MAF: variants seen among roughly 807,000 people sequenced by gnomAD.
The protein encoded by MAF is MAF bZIP transcription factor, also known as transcription factor Maf.
Under a neutral mutation model 22.0 loss-of-function variants are expected in MAF, and 10 were observed. That is an observed-to-expected ratio of 0.45 (90% CI 0.28 to 0.77). MAF has a LOEUF of 0.77. Ranked by LOEUF, MAF falls within the 30% of genes least tolerant of loss-of-function variation. MAF has a pLI of 0.12. For missense variants in MAF, 544 were observed against 548.4 expected, an observed-to-expected ratio of 0.99 and a Z score of 0.08; for synonymous variants, 337 against 255.8, an observed-to-expected ratio of 1.32 and a Z score of -3.03.
In MAF at chr16:79,598,049, TA is replaced by T. The variant is rs34724349; in HGVS notation, c.1118+735del. 8.2e-4 allele frequency: 717 copies of T among 875,362 alleles called. 1 individual carries two copies. Among genetic ancestry groups the T allele is most frequent in the African/African-American group, 4.0e-3 (219 of 54,530 alleles). 54.2% of individuals were successfully genotyped at this position (875,362 alleles called of 1,614,324 possible). A position where few individuals can be genotyped will look rare whatever the true frequency, so the allele number is the denominator to read the frequency against. ...TTTCTCTATTTTAGCATAACAATGC[TA>T]AAAAAAAAACCCGATGGAACTCGGC... On this transcript the variant is annotated intron_variant, in intron 1 of 1. Coordinates refer to ENST00000326043, the MANE Select transcript of MAF (RefSeq NM_005360.5).
the MAF span, among the ~76,000 whole-genome samples, chr16:79,308,731 C>T: frequency 2.0e-5 from 3 of 152,184 alleles, no homozygotes; most frequent in African/African-American, 7.2e-5. Context: ...AGAGTGACAA[C>T]TGGCATCAAC....
the MAF span, among the ~76,000 whole-genome samples, chr16:79,431,290 CT>C: frequency 6.6e-6 from 1 of 152,160 alleles, no homozygotes; most frequent in African/African-American, 2.4e-5. Context: ...ACTTAGGCTG[CT>C]GAGGACAGAA....
the MAF span, among the ~76,000 whole-genome samples, chr16:79,559,283 T>C: frequency 1.3e-5 from 2 of 152,196 alleles, no homozygotes; most frequent in Non-Finnish European, 2.9e-5. Flanking sequence ...GACAGCAGTT[T>C]GGTTTACCAC....
chr16:79,349,167 C>T, the MAF span, among the ~76,000 whole-genome samples: 6 of 152,186 alleles, frequency 3.9e-5, no homozygotes, highest in African/African-American at 9.6e-5. Flanking sequence ...GGCTCAGAGA[C>T]GTCCTCTGCC....
At chr16:79,376,316 T>C in the MAF span, among the ~76,000 whole-genome samples, 1 of 152,144 alleles carries the variant, frequency 6.6e-6, no homozygotes, top group African/African-American at 2.4e-5. Flanking sequence ...TGAAACTTCT[T>C]TGCTTTTCTT....
chr16:79,526,591 G>C, the MAF span, among the ~76,000 whole-genome samples: 1 of 152,210 alleles, frequency 6.6e-6, no homozygotes, highest in Non-Finnish European at 1.5e-5. Context: ...TCAGGAGATA[G>C]GTCTTACAGG....
At chr16:79,595,002 C>A in intron 1 of MAF, 1 of 1,070,114 alleles carries the variant, frequency 9.3e-7, no homozygotes, top group South Asian at 4.2e-5. Flanking sequence ...ATAACTACAT[C>A]CAGAATATCA....
At chr16:79,570,128 A>C in the MAF span, among the ~76,000 whole-genome samples, 71 of 152,040 alleles carry the variant, frequency 4.7e-4, no homozygotes, top group Non-Finnish European at 9.7e-4. Flanking sequence ...AAGCCATTAA[A>C]TTGACAGGTT....
the MAF span, among the ~76,000 whole-genome samples, chr16:79,466,436 G>A: frequency 6.6e-6 from 1 of 152,162 alleles, no homozygotes; most frequent in Admixed American, 6.5e-5. Context: ...GTGTTGAAAC[G>A]AGCAAAGAAA....
At chr16:79,377,588 A>T in the MAF span, among the ~76,000 whole-genome samples, 1 of 152,236 alleles carries the variant, frequency 6.6e-6, no homozygotes, top group Non-Finnish European at 1.5e-5. Context: ...TGTTTTAGAC[A>T]TGAAGTCCTT....
the MAF span, among the ~76,000 whole-genome samples, chr16:79,401,847 G>A: frequency 6.6e-6 from 1 of 152,152 alleles, no homozygotes; most frequent in South Asian, 2.1e-4. Flanking sequence ...AGTAGGAAGG[G>A]GTTTGGCTAG....
At chr16:79,355,669 T>C in the MAF span, among the ~76,000 whole-genome samples, 163 of 152,286 alleles carry the variant, frequency 1.1e-3, 1 homozygote, top group African/African-American at 3.8e-3. Flanking sequence ...ACTAAAGTTG[T>C]TTCTAGTACT....
At chr16:79,310,215 C>T in the MAF span, among the ~76,000 whole-genome samples, 1 of 152,100 alleles carries the variant, frequency 6.6e-6, no homozygotes, top group African/African-American at 2.4e-5. Flanking sequence ...TTGGTGCACG[C>T]ACGGGAGCGC....
chr16:79,350,912 T>C, the MAF span, among the ~76,000 whole-genome samples: 2 of 150,878 alleles, frequency 1.3e-5, no homozygotes, highest in Non-Finnish European at 3.0e-5. Context: ...TGCGTGTGAA[T>C]ACAAGGTCTC....
At chr16:79,375,851 G>A in the MAF span, among the ~76,000 whole-genome samples, 3 of 152,160 alleles carry the variant, frequency 2.0e-5, no homozygotes, top group African/African-American at 7.2e-5. Context: ...AACCTGGGAA[G>A]CATACCATCA....
the MAF span, among the ~76,000 whole-genome samples, chr16:79,216,727 A>T: frequency 0.67 from 102,339 of 151,890 alleles, 35,347 homozygotes; most frequent in African/African-American, 0.74. Flanking sequence ...GTAACCCCAT[A>T]GTAAGTTGAG....
the MAF span, among the ~76,000 whole-genome samples, chr16:79,266,425 G>C: frequency 6.6e-6 from 1 of 152,152 alleles, no homozygotes; most frequent in Admixed American, 6.5e-5. Context: ...CAGAGCAAAG[G>C]GGTAGGTCCC....
the MAF span, among the ~76,000 whole-genome samples, chr16:79,471,438 G>A: frequency 1.3e-5 from 2 of 152,136 alleles, no homozygotes; most frequent in African/African-American, 4.8e-5. Flanking sequence ...CAGGCAGATT[G>A]CTTGAGCCCA....
chr16:79,502,750 T>C, the MAF span, among the ~76,000 whole-genome samples: 2 of 121,070 alleles, frequency 1.7e-5, no homozygotes. Flanking sequence ...TATATATATA[T>C]ATATAAAGAC....
Sources: gnomAD v4.1 joint callset for allele counts (sites outside exome capture counted in the v4.1 genomes callset) on GRCh38, gnomAD v4.1.1 for gene constraint, MANE v1.5 for transcripts, NCBI Gene and HGNC (gene_info 2026-07-23, HGNC 2026-07-21) for gene names.